The following AGMO variants were observed in gnomAD, a reference collection of about 807,000 sequenced individuals.
AGMO encodes the protein alkylglycerol monooxygenase.
In AGMO, 75 loss-of-function variants were observed where a neutral mutation model predicts 60.2. That is an observed-to-expected ratio of 1.25 (90% CI 1.03 to 1.51). The LOEUF is 1.51. AGMO is among the 40% of genes most tolerant of loss of function. AGMO has a pLI of 0.00. For synonymous variants in AGMO, 261 were observed against 177.1 expected (o/e 1.47, Z -3.76); for missense variants, 763 against 525.5 (o/e 1.45, Z -4.42).
the AGMO span, among the ~76,000 whole-genome samples, chr7:15,138,999 C>A: frequency 6.6e-6 from 1 of 152,090 alleles, no homozygotes; most frequent in Non-Finnish European, 1.5e-5. Flanking sequence ...ACTAACCACC[C>A]AAATTAAGAT....
At chr7:15,173,454 T>C in the AGMO span, among the ~76,000 whole-genome samples, 2 of 152,168 alleles carry the variant, frequency 1.3e-5, no homozygotes, top group South Asian at 4.1e-4. Context: ...ATTTCTTAAA[T>C]AGTATGAGCA....
chr7:15,557,951 A>G (rs1785191885), intron 2 of AGMO, among the ~76,000 whole-genome samples: 1 of 151,356 alleles, frequency 6.6e-6, no homozygotes, highest in Admixed American at 6.6e-5. Context: ...AAAGAACCTC[A>G]TGTTCTATCC....
intron 4 of AGMO, 87 bp downstream of exon 4, chr7:15,430,918 G>GTTTTGTT (rs563057102): frequency 1.4e-5 from 5 of 366,500 alleles, no homozygotes; most frequent in African/African-American, 1.2e-4. Flanking sequence ...CCTTCTATTA[G>GTTTTGTT]TTTTTTTTTT....
intron 10 of AGMO, among the ~76,000 whole-genome samples, chr7:15,384,231 C>T (rs1213680032): frequency 6.6e-6 from 1 of 152,158 alleles, no homozygotes; most frequent in Admixed American, 6.5e-5. Flanking sequence ...GCCACCACGC[C>T]CAGCCTCAAT....
intron 3 of AGMO, among the ~76,000 whole-genome samples, chr7:15,526,500 GCATTGAGTTATGCGTTTGCCT>G (rs1784131815): frequency 1.3e-5 from 2 of 152,206 alleles, no homozygotes; most frequent in Admixed American, 1.3e-4. Flanking sequence ...TACTTTCCAT[GCATTGAGTTATGCGTTTGCCT>G]GTAAGTCTTA....
At chr7:15,361,288 AAAG>A (rs931310694) in intron 12 of AGMO, among the ~76,000 whole-genome samples, 4 of 151,876 alleles carry the variant, frequency 2.6e-5, no homozygotes, top group African/African-American at 9.7e-5. Flanking sequence ...AAAAAAAAAA[AAAG>A]ATCTTTGGGA....
chr7:15,322,523 T>A (rs868735723), intron 12 of AGMO, among the ~76,000 whole-genome samples: 37 of 83,654 alleles, frequency 4.4e-4, no homozygotes, highest in South Asian at 2.2e-3. Context: ...TATAAATATA[T>A]ATAAATATAT....
intron 3 of AGMO, among the ~76,000 whole-genome samples, chr7:15,485,595 A>G (rs1332425553): frequency 6.6e-6 from 1 of 152,154 alleles, no homozygotes; most frequent in Non-Finnish European, 1.5e-5. Context: ...CATTTCTTCA[A>G]GCATAACAGA....
chr7:15,191,855 G>T, the AGMO span, among the ~76,000 whole-genome samples: 3 of 151,924 alleles, frequency 2.0e-5, no homozygotes, highest in Non-Finnish European at 4.4e-5. Context: ...TAATGTAAAA[G>T]AATTTTCCTC....
At chr7:15,365,991 T>G (rs1415454857) in intron 11 of AGMO, 149 bp downstream of exon 11, 2 of 581,546 alleles carry the variant, frequency 3.4e-6, no homozygotes, top group East Asian at 5.9e-5. Context: ...TATAGTTAAC[T>G]TCTCTAAAAT....
At chr7:15,208,432 A>G (rs1781494000) in intron 12 of AGMO, among the ~76,000 whole-genome samples, 1 of 152,158 alleles carries the variant, frequency 6.6e-6, no homozygotes, top group African/African-American at 2.4e-5. Context: ...TTTACTTTTT[A>G]TGGATATGAG....
chr7:15,357,193 G>C (rs1190618528), intron 12 of AGMO, among the ~76,000 whole-genome samples: 2 of 91,244 alleles, frequency 2.2e-5, no homozygotes, highest in Non-Finnish European at 4.2e-5. Flanking sequence ...GAATATTCGT[G>C]TGTGTGTGTG....
At chr7:15,520,619 A>G (rs1304853821) in intron 3 of AGMO, among the ~76,000 whole-genome samples, 1 of 152,256 alleles carries the variant, frequency 6.6e-6, no homozygotes, top group Non-Finnish European at 1.5e-5. Context: ...AATGAAATTA[A>G]GGCAGAAATA....
At chr7:15,128,224 C>T in the AGMO span, among the ~76,000 whole-genome samples, 2 of 151,968 alleles carry the variant, frequency 1.3e-5, no homozygotes, top group African/African-American at 4.8e-5. Context: ...TGATAATAGA[C>T]GTGCTTGGTT....
At chr7:15,264,064 T>TA (rs1783361129) in intron 12 of AGMO, among the ~76,000 whole-genome samples, 1 of 150,662 alleles carries the variant, frequency 6.6e-6, no homozygotes, top group Admixed American at 6.6e-5. Context: ...CCTATTGAAA[T>TA]AAAAAATGAA....
Position 15,267,254 on chromosome 7 carries a change from A to G in AGMO, c.1264-65895T>C, listed in dbSNP as rs12112491. ...TTCCAGTGATTTCTCTTTGTTTCTC[A>G]GAAAATATACTATGTATAATTATAA... is the stretch of plus-strand genomic sequence containing the variant. On this transcript the variant is annotated intron_variant, in intron 12 of 12. Coordinates refer to ENST00000342526, the MANE Select transcript of AGMO (RefSeq NM_001004320.2). Among the ~76,000 whole-genome samples the G allele has an allele frequency of 3.8e-3, 576 of 152,084 alleles. 5 individuals are homozygous for G. Among genetic ancestry groups the G allele is most frequent in the African/African-American group, 0.013 (550 of 41,548 alleles).
At chr7:15,561,163 A>T (rs904291223) in intron 1 of AGMO, among the ~76,000 whole-genome samples, 2 of 152,122 alleles carry the variant, frequency 1.3e-5, no homozygotes, top group African/African-American at 4.8e-5. Context: ...CTAATTCTGG[A>T]TATTTCCACT....
the AGMO span, among the ~76,000 whole-genome samples, chr7:15,119,298 T>G: frequency 4.6e-5 from 7 of 152,088 alleles, no homozygotes; most frequent in African/African-American, 1.7e-4. Flanking sequence ...TCCCCAGAAG[T>G]TGATGCTGCC....
chr7:15,494,841 TTC>T (rs1297036856), intron 3 of AGMO, among the ~76,000 whole-genome samples: 1 of 152,216 alleles, frequency 6.6e-6, no homozygotes, highest in African/African-American at 2.4e-5. Flanking sequence ...GCAAAGCCGC[TTC>T]TCTCTCGCAA....
Sources: gnomAD v4.1 joint callset for allele counts (sites outside exome capture counted in the v4.1 genomes callset) on GRCh38, gnomAD v4.1.1 for gene constraint, MANE v1.5 for transcripts, NCBI Gene and HGNC (gene_info 2026-07-23, HGNC 2026-07-21) for gene names.